SLC22A12: variants seen among roughly 807,000 people sequenced by gnomAD.
SLC22A12 encodes solute carrier family 22 member 12, also known as organic anion transporter 4-like protein.
Under a neutral mutation model 52.7 loss-of-function variants are expected in SLC22A12, and 56 were observed. That is an observed-to-expected ratio of 1.06 (90% CI 0.86 to 1.33). SLC22A12 has a LOEUF of 1.33. SLC22A12 is among the 40% of genes most tolerant of loss of function. The pLI is 0.00. For missense variants in SLC22A12, 683 were observed against 741.5 expected (o/e 0.92, Z 0.92); for synonymous variants, 337 against 324.6 (o/e 1.04, Z -0.41).
rs201181059 is a variant in SLC22A12 at position 64,592,866 on chromosome 11, G to A, written c.490G>A (p.Gly164Ser). The change falls in exon 2 of 10, where the codon GGC becomes AGC. Residue 164 changes from glycine (G) to serine (S), a missense_variant. By Grantham distance (56) the Gly-to-Ser change is moderately conservative. Coordinates refer to ENST00000377574, the MANE Select transcript of SLC22A12 (RefSeq NM_144585.4). Reference sequence around the variant, plus strand: ...GATTCTGGTGGGAGCTGCTGCGTGCGGCCCTGCCTCAGACAGGTGAGTACC... The same window carrying A: ...GATTCTGGTGGGAGCTGCTGCGTGCAGCCCTGCCTCAGACAGGTGAGTACC... ...AGILVGAAAC[G>S]PASDRFGRRL... 46 of 1,613,576 alleles carry A rather than the reference G, an allele frequency of 2.9e-5. No individual in the cohort carries two copies. The Admixed American group carries it at 3.7e-4, about 13-fold the overall frequency.
In SLC22A12 at chr11:64,601,496, A is replaced by G. The variant is rs528619562; in HGVS notation, c.1607A>G (p.Lys536Arg). 4.3e-6 allele frequency: 7 copies of G among 1,613,880 alleles called. No homozygotes were observed. In the Admixed American group the frequency reaches 1.0e-4, roughly 23 times the overall value. ...GTGTGCTTCCTGAACAGGGCAGTAA[A>G]GAAGGCAACACATGGCACGCTGGGG... Reference protein sequence around the residue: ...TIQDVQNQAVKKATHGTLGNS... With the variant: ...TIQDVQNQAVRKATHGTLGNS... Residue 536 changes from lysine to arginine, a missense_variant, in exon 10 of 10, where the codon AAG becomes AGG. Physicochemically the swap from Lys to Arg is conservative, Grantham distance 26 (BLOSUM62 2). Transcript: ENST00000377574.
In SLC22A12 at chr11:64,592,765, T is replaced by G. The variant is rs746678481; in HGVS notation, c.403-14T>G. On this transcript the variant is annotated splice_polypyrimidine_tract_variant and intron_variant, in intron 1 of 9. Transcript: ENST00000377574. ...TCCCAACCTCCTGAGCTCAGCCTCC[T>G]CCTCTCCCATCAGTGGAACCTCGTG... 6.2e-7 allele frequency: 1 copy of G among 1,606,996 alleles called. No homozygotes were observed. The highest frequency in any genetic ancestry group is 1.1e-5 in the South Asian group (1 of 90,956).
rs564089679 is a variant in SLC22A12 at position 64,595,408 on chromosome 11, T to C, written c.830+1605T>C. On this transcript the variant is annotated intron_variant, in intron 4 of 9. Transcript: ENST00000377574. The stretch of plus-strand genomic sequence containing the variant: ...ATGGATGGATGGACGGACGGATGGA[T>C]GGATGGATGTTTGGAATAGATGGAT... 6.3e-4 allele frequency among the ~76,000 whole-genome samples: 76 copies of C among 121,296 alleles called. 3 individuals are homozygous for C. Among genetic ancestry groups the C allele is most frequent in the South Asian group, 1.8e-3 (6 of 3,316 alleles). The allele number at this position is 121,296 out of a possible 152,430, so 79.6% of individuals were successfully genotyped here.
chr11:64,600,670 C>A (rs1293149820), intron 8 of SLC22A12, 65 bp from the exon 9 acceptor site: 13 of 1,596,256 alleles, frequency 8.1e-6, no homozygotes, highest in East Asian at 2.2e-5. Context: ...GGGCCTGGCC[C>A]GGCGTGCAGG....
intron 6 of SLC22A12, 54 bp from the exon 7 acceptor site, chr11:64,599,622 A>ACCCCCCCCCCCCCCCCCCCCCCC: frequency 6.2e-5 from 1 of 16,152 alleles, no homozygotes; most frequent in Admixed American, 9.1e-4. Flanking sequence ...CACCCTGCCC[A>ACCCCCCCCCCCCCCCCCCCCCCC]CCACCCCCCC....
At chr11:64,600,603 G>C in intron 8 of SLC22A12, 128 bp downstream of exon 8, 1 of 1,424,208 alleles carries the variant, frequency 7.0e-7, no homozygotes, top group South Asian at 1.2e-5. Context: ...TGGTCCCCGG[G>C]GCTGCTCAGG....
intron 4 of SLC22A12, 110 bp downstream of exon 4, chr11:64,593,913 G>A: frequency 7.0e-7 from 1 of 1,434,102 alleles, no homozygotes; most frequent in Non-Finnish European, 9.5e-7. Context: ...AGAGGCCAGG[G>A]GTGCATGGGC....
At chr11:64,601,435 G>A in intron 9 of SLC22A12, 53 bp from the exon 10 acceptor site, 2 of 1,583,196 alleles carry the variant, frequency 1.3e-6, no homozygotes, top group South Asian at 1.1e-5. Context: ...ACAGGTCAAG[G>A]GTCAGGGGCC....
At chr11:64,596,148 G>C (rs1432108395) in intron 4 of SLC22A12, among the ~76,000 whole-genome samples, 2 of 151,904 alleles carry the variant, frequency 1.3e-5, no homozygotes, top group African/African-American at 4.8e-5. Context: ...GGGATGGATG[G>C]ATGGATTGAT....
At chr11:64,592,928 C>G (rs753120955) in intron 2 of SLC22A12, 46 bp downstream of exon 2, 1 of 1,538,196 alleles carries the variant, frequency 6.5e-7, no homozygotes, top group Non-Finnish European at 9.0e-7. Flanking sequence ...CTCACAACCC[C>G]TGCTCTCCTA....
In SLC22A12 at chr11:64,591,577, G is replaced by GGACCTC. The variant is rs1434637637; in HGVS notation, c.23_28dup (p.Asp8_Leu9dup). 6.2e-7 allele frequency: 1 copy of GGACCTC among 1,612,672 alleles called. No homozygotes were observed. The highest frequency in any genetic ancestry group is 1.1e-5 in the South Asian group (1 of 91,074). ...GTTCCATGGCATTTTCTGAACTCCT[G>GGACCTC]GACCTCGTGGGTGGCCTGGGCAGGT... is the stretch of plus-strand genomic sequence containing the variant. On this transcript the variant is annotated inframe_insertion, in exon 1 of 10. Transcript: ENST00000377574.
intron 4 of SLC22A12, among the ~76,000 whole-genome samples, chr11:64,595,161 T>TTGGA (rs1168842372): frequency 6.7e-4 from 29 of 43,234 alleles, no homozygotes; most frequent in Admixed American, 9.9e-4. Flanking sequence ...GAATGGATGG[T>TTGGA]TGGATGGATG....
In SLC22A12 at chr11:64,598,812, T is replaced by C. The variant is rs761111400; in HGVS notation, c.959T>C (p.Leu320Ser). Residue 320 changes from leucine (L) to serine (S), a missense_variant, in exon 6 of 10, where the codon TTG becomes TCG. By Grantham distance (145) the Leu-to-Ser change is moderately radical. Transcript: ENST00000377574. The stretch of plus-strand genomic sequence containing the variant: ...CACCCACCCCCGCCTCCACAGGTCT[T>C]GCTTTCAGCCATGCGGGAGGAGCTG... ...AVQDTLTPEV[L>S]LSAMREELSM... 18 of 1,612,474 alleles carry C rather than the reference T, an allele frequency of 1.1e-5. No homozygotes were observed. The highest frequency in any genetic ancestry group is 3.3e-4 in the Middle Eastern group (2 of 6,084).
At chr11:64,593,160 C>A (rs1397389255) in intron 2 of SLC22A12, among the ~76,000 whole-genome samples, 1 of 152,282 alleles carries the variant, frequency 6.6e-6, no homozygotes, top group Non-Finnish European at 1.5e-5. Flanking sequence ...GGCCATGCGC[C>A]TTCCTTCAGC....
intron 4 of SLC22A12, among the ~76,000 whole-genome samples, chr11:64,595,521 GGA>G (rs2039139218): frequency 4.3e-5 from 1 of 23,318 alleles, no homozygotes; most frequent in Non-Finnish European, 5.4e-4. Context: ...TGGAATGAAT[GGA>G]TGGATGGATG....
chr11:64,601,275 C>T (rs1479289132), intron 9 of SLC22A12, among the ~76,000 whole-genome samples: 1 of 152,104 alleles, frequency 6.6e-6, no homozygotes, highest in African/African-American at 2.4e-5. Flanking sequence ...TGTTGGGGGC[C>T]CTCGCAGGCC....
intron 9 of SLC22A12, 83 bp downstream of exon 9, chr11:64,601,021 A>T: frequency 6.5e-7 from 1 of 1,543,576 alleles, no homozygotes; most frequent in Non-Finnish European, 8.8e-7. Context: ...CATCCCCATC[A>T]CTTGACAGAG....
chr11:64,596,891 G>A (rs1190796282), intron 4 of SLC22A12, among the ~76,000 whole-genome samples: 1 of 152,154 alleles, frequency 6.6e-6, no homozygotes, highest in South Asian at 2.1e-4. Context: ...TGGTAGACGT[G>A]CTCCCACAGG....
At position 64,600,366 on chromosome 11, in the gene SLC22A12, G is replaced by A; in HGVS notation, c.1286-1G>A. ...CTCACTAATCCCATCTCTACCCACA[G>A]AAATGGGGGCTCTGCGCTCAGCCTT... On this transcript the variant is annotated splice_acceptor_variant, in intron 7 of 9. Coordinates refer to ENST00000377574, the MANE Select transcript of SLC22A12 (RefSeq NM_144585.4). LOFTEE classifies it high-confidence loss of function. 6.2e-7 allele frequency: 1 copy of A among 1,600,454 alleles called. No homozygotes were observed. The highest frequency in any genetic ancestry group is 8.5e-7 in the Non-Finnish European group (1 of 1,176,500).
Sources: allele counts gnomAD v4.1 joint callset (sites outside exome capture counted in the v4.1 genomes callset), GRCh38; gene constraint gnomAD v4.1.1; transcripts MANE v1.5; gene names NCBI Gene and HGNC (gene_info 2026-07-23, HGNC 2026-07-21).